Variants in TUT4 observed in about 807,000 individuals in gnomAD.
TUT4 encodes the protein terminal uridylyl transferase 4, also known as terminal uridylyltransferase 4.
In TUT4, 36 loss-of-function variants were observed where a neutral mutation model predicts 192.2. The observed-to-expected ratio is 0.19, with a 90% CI of 0.14 to 0.25. The LOEUF (loss-of-function observed/expected upper bound fraction) is 0.25. TUT4 is among the 10% of genes least tolerant of loss of function. The pLI is 1.00. For missense variants in TUT4, 1,493 were observed against 1,957.2 expected (o/e 0.76, Z 4.47); for synonymous variants, 618 against 666.0 (o/e 0.93, Z 1.11).
intron 13 of TUT4, among the ~76,000 whole-genome samples, chr1:52,472,667 T>C (rs979112009): frequency 4.0e-5 from 6 of 151,854 alleles, no homozygotes; most frequent in African/African-American, 1.4e-4. Flanking sequence ...AAAAATAAAT[T>C]AGCTTCATAC....
At position 52,460,903 on chromosome 1, in the gene TUT4, T is replaced by C. The variant is rs552611138; in HGVS notation, c.3321+231A>G. ...AAATCACTGCATTGAGAAATGTTAC[T>C]GCTGAGAAACTGACTAGTCAGTTGC... On this transcript the variant is annotated intron_variant, in intron 19 of 29. Transcript: ENST00000257177. 6.0e-5 allele frequency: 18 copies of C among 300,654 alleles called. No homozygotes were observed. In the East Asian group the frequency reaches 9.1e-4, roughly 15 times the overall value. 18.6% of individuals were successfully genotyped at this position (300,654 alleles called of 1,614,324 possible). A position where few individuals can be genotyped will look rare whatever the true frequency, so the allele number is the denominator to read the frequency against.
At chr1:52,512,381 T>A (rs1677418532) in intron 3 of TUT4, among the ~76,000 whole-genome samples, 1 of 152,252 alleles carries the variant, frequency 6.6e-6, no homozygotes, top group African/African-American at 2.4e-5. Context: ...GTGTTATAAT[T>A]GTTATCAATC....
intron 4 of TUT4, among the ~76,000 whole-genome samples, chr1:52,501,051 T>C (rs1025047797): frequency 2.0e-5 from 3 of 152,184 alleles, no homozygotes; most frequent in Non-Finnish European, 4.4e-5. Flanking sequence ...GATTTGGCAA[T>C]GATTTCTTGA....
At chr1:52,465,021 C>T (rs368346692) in intron 16 of TUT4, 49 bp downstream of exon 16, 8 of 1,401,580 alleles carry the variant, frequency 5.7e-6, no homozygotes, top group South Asian at 5.3e-5. Context: ...AACATAGAAT[C>T]GTCATTGGGA....
chr1:52,479,990 G>A (rs944844276), intron 11 of TUT4, among the ~76,000 whole-genome samples: 3 of 130,942 alleles, frequency 2.3e-5, no homozygotes, highest in Admixed American at 8.0e-5. Context: ...GCGAGACTCC[G>A]TCTCAGGAAA....
At chr1:52,431,581 AAAT>A in intron 27 of TUT4, 121 bp from the exon 28 acceptor site, 1 of 788,226 alleles carries the variant, frequency 1.3e-6, no homozygotes, top group Non-Finnish European at 1.8e-6. Flanking sequence ...ATATCATAAC[AAAT>A]AATTAGTTTT....
chr1:52,510,317 CAAAAAAAAAAA>C (rs200690805), intron 3 of TUT4, among the ~76,000 whole-genome samples: 21 of 78,604 alleles, frequency 2.7e-4, no homozygotes, highest in East Asian at 6.8e-4. Context: ...TTCGTATTAA[CAAAAAAAAAAA>C]AAAAAAAAAA....
Position 52,515,923 on chromosome 1 carries a change from A to G in TUT4, c.850T>C (p.Leu284=). 8 of 1,613,756 alleles carry G rather than the reference A, an allele frequency of 5.0e-6. No individual in the cohort carries two copies. The highest frequency in any genetic ancestry group is 2.2e-5 in the South Asian group (2 of 91,066). Residue 284 remains leucine, a synonymous_variant, in exon 3 of 30, where the codon TTA becomes CTA. Transcript: ENST00000257177. Reference sequence around the variant, plus strand: ...AGTCGAAAGATGTGATCTCTTTCTAAGCGTTCTTCTGCTTGTTTCAACCCC... The same window carrying G: ...AGTCGAAAGATGTGATCTCTTTCTAGGCGTTCTTCTGCTTGTTTCAACCCC... ...RLGLKQAEER[L]ERDHIFRLEK... is the part of the protein sequence containing the mutation.
chr1:52,459,352 G>A (rs1661873677), intron 19 of TUT4, among the ~76,000 whole-genome samples: 1 of 152,118 alleles, frequency 6.6e-6, no homozygotes, highest in Non-Finnish European at 1.5e-5. Context: ...ACTTCGAAAG[G>A]CTGAGGAGGG....
chr1:52,426,017 G>A (rs1490163750), intron 28 of TUT4, among the ~76,000 whole-genome samples: 3 of 152,140 alleles, frequency 2.0e-5, no homozygotes, highest in Admixed American at 1.3e-4. Flanking sequence ...GGACAGGTAG[G>A]TGGGGATATA....
At chr1:52,539,305 T>C (rs1685844877) in intron 1 of TUT4, among the ~76,000 whole-genome samples, 1 of 152,194 alleles carries the variant, frequency 6.6e-6, no homozygotes, top group Admixed American at 6.5e-5. Context: ...TTCAATGTTA[T>C]GCTTCCCACT....
chr1:52,440,391 A>G (rs1243316083), intron 24 of TUT4, among the ~76,000 whole-genome samples: 3 of 150,996 alleles, frequency 2.0e-5, no homozygotes, highest in Non-Finnish European at 4.4e-5. Context: ...CTGGCCTTCC[A>G]AAGTAATAGA....
At chr1:52,468,382 G>A (rs1396417662) in intron 14 of TUT4, 115 bp from the exon 15 acceptor site, 5 of 704,632 alleles carry the variant, frequency 7.1e-6, no homozygotes, top group Non-Finnish European at 1.1e-5. Flanking sequence ...ATTATTTGTT[G>A]ACTTCTCTGA....
In TUT4 at chr1:52,446,018, A is replaced by G. The variant is rs746446170; in HGVS notation, c.3692-14T>C. On this transcript the variant is annotated splice_polypyrimidine_tract_variant and intron_variant, in intron 22 of 29. Coordinates refer to ENST00000257177, the MANE Select transcript of TUT4 (RefSeq NM_001009881.3). ...AGTCAAAAGGGTCTACAAAAGAAAT[A>G]TATCAATGATTAAGAATTACATTCA... 1.5e-5 allele frequency: 24 copies of G among 1,593,652 alleles called. No individual in the cohort carries two copies. Among genetic ancestry groups the G allele is most frequent in the Non-Finnish European group, 2.0e-5 (23 of 1,173,194 alleles).
intron 24 of TUT4, among the ~76,000 whole-genome samples, chr1:52,442,921 A>G (rs926116433): frequency 1.3e-5 from 2 of 152,222 alleles, no homozygotes; most frequent in African/African-American, 4.8e-5. Flanking sequence ...AAGAATTACT[A>G]AAAATTTGCA....
intron 9 of TUT4, among the ~76,000 whole-genome samples, chr1:52,485,633 T>TA (rs1334307624): frequency 6.6e-6 from 1 of 152,044 alleles, no homozygotes; most frequent in African/African-American, 2.4e-5. Flanking sequence ...CTAGCTGACT[T>TA]AAAAGTTTCT....
rs1484762263 is a variant in TUT4 at position 52,423,829 on chromosome 1, T to G, written c.*106A>C. The G allele has an allele frequency of 6.4e-7, 1 of 1,552,824 alleles. No individual in the cohort carries two copies. The highest frequency in any genetic ancestry group is 8.7e-7 in the Non-Finnish European group (1 of 1,148,322). The stretch of plus-strand genomic sequence containing the variant: ...TGTTTTGCTTTCCATTAAATGTCAC[T>G]TTTTCTGCTGAATGTAACTGACATT... On this transcript the variant is annotated 3_prime_UTR_variant, in exon 30 of 30. Coordinates refer to ENST00000257177, the MANE Select transcript of TUT4 (RefSeq NM_001009881.3).
At chr1:52,437,106 G>A (rs1008917724) in intron 25 of TUT4, 128 bp from the exon 26 acceptor site, 1 of 1,336,832 alleles carries the variant, frequency 7.5e-7, no homozygotes, top group South Asian at 1.6e-5. Context: ...GAAGGCAAGG[G>A]AACAAACATT....
intron 2 of TUT4, among the ~76,000 whole-genome samples, chr1:52,516,787 T>C (rs1557919772): frequency 1.3e-5 from 2 of 152,192 alleles, no homozygotes; most frequent in Admixed American, 6.5e-5. Flanking sequence ...GCACAGTCCC[T>C]TGACCTCATG....
Sources: gnomAD v4.1 joint callset for allele counts (sites outside exome capture counted in the v4.1 genomes callset) on GRCh38, gnomAD v4.1.1 for gene constraint, MANE v1.5 for transcripts, NCBI Gene and HGNC (gene_info 2026-07-23, HGNC 2026-07-21) for gene names.